Variants in KIRREL3 observed in about 807,000 individuals in gnomAD.
KIRREL3 encodes the protein kirre like nephrin family adhesion molecule 3.
A neutral mutation model predicts 89.7 loss-of-function variants in KIRREL3; 36 were observed. That is an observed-to-expected ratio of 0.40 (90% CI 0.31 to 0.53). The LOEUF (loss-of-function observed/expected upper bound fraction) is 0.53, where lower values mean the gene tolerates loss of function less well. Among genes scored for constraint, KIRREL3 ranks in the 20% least tolerant of loss-of-function variants. KIRREL3 has a pLI of 0.49. For synonymous variants in KIRREL3, 445 were observed against 441.4 expected (o/e 1.01, Z -0.10); for missense variants, 864 against 1,056.6 (o/e 0.82, Z 2.53).
intron 1 of KIRREL3, among the ~76,000 whole-genome samples, chr11:126,968,053 C>T (rs1046083081): frequency 6.6e-6 from 1 of 152,190 alleles, no homozygotes; most frequent in Non-Finnish European, 1.5e-5. Flanking sequence ...ACTTCATAGA[C>T]ATTTGCAAAG....
At chr11:126,731,402 A>G (rs1948612259) in intron 1 of KIRREL3, among the ~76,000 whole-genome samples, 1 of 152,204 alleles carries the variant, frequency 6.6e-6, no homozygotes, top group Non-Finnish European at 1.5e-5. Context: ...TAGTCCTTCA[A>G]GACTCAGCCC....
At chr11:126,803,827 A>G (rs1031346638) in intron 1 of KIRREL3, among the ~76,000 whole-genome samples, 1 of 152,208 alleles carries the variant, frequency 6.6e-6, no homozygotes, top group African/African-American at 2.4e-5. Context: ...ACTCAAGGGT[A>G]AGAGCTCCAT....
intron 1 of KIRREL3, among the ~76,000 whole-genome samples, chr11:126,973,476 TC>T (rs1342835344): frequency 1.3e-5 from 2 of 152,184 alleles, no homozygotes; most frequent in African/African-American, 4.8e-5. Context: ...AAATCATTGT[TC>T]AGAGCTTAGG....
rs373110636 is a variant in KIRREL3, at chr11:126,958,489, C to T, written c.55+41966G>A. On this transcript the variant is annotated intron_variant, in intron 1 of 16. Coordinates refer to ENST00000525144, the MANE Select transcript of KIRREL3 (RefSeq NM_032531.4). ...GAGACTGGCCAGCCTGACATTCAGC[C>T]ACACTCAGCACTTGGGTCAGCCCCA... 5.8e-4 allele frequency among the ~76,000 whole-genome samples: 89 copies of T among 152,348 alleles called. 1 individual carries two copies. The East Asian group carries it at 9.8e-3, about 17-fold the overall frequency.
intron 1 of KIRREL3, among the ~76,000 whole-genome samples, chr11:126,836,588 A>G (rs778306383): frequency 5.3e-5 from 8 of 152,212 alleles, no homozygotes; most frequent in Non-Finnish European, 1.0e-4. Context: ...TATTTACCAA[A>G]TGAAACAATG....
At chr11:126,787,523 G>C (rs1158875809) in intron 1 of KIRREL3, among the ~76,000 whole-genome samples, 1 of 152,032 alleles carries the variant, frequency 6.6e-6, no homozygotes, top group Admixed American at 6.6e-5. Context: ...CAAACTTCTG[G>C]CATCTTCTTT....
Position 126,682,082 on chromosome 11 carries a change from T to C in KIRREL3, c.56-119170A>G, listed in dbSNP as rs1299303422. 2.9e-6 allele frequency: 1 copy of C among 344,002 alleles called. No homozygotes were observed. The highest frequency in any genetic ancestry group is 2.1e-5 in the African/African-American group (1 of 46,566). 21.3% of individuals were successfully genotyped at this position (344,002 alleles called of 1,614,324 possible). A position where few individuals can be genotyped will look rare whatever the true frequency, so the allele number is the denominator to read the frequency against. ...TTGTATTTTATTTGATGCAAAGCAA[T>C]AAAATATTCCTCCCTCCTGTGACCA... On this transcript the variant is annotated intron_variant, in intron 1 of 16. Coordinates refer to ENST00000525144, the MANE Select transcript of KIRREL3 (RefSeq NM_032531.4). The surrounding 1 kb of genome is among the most constrained non-coding windows in gnomAD (Gnocchi z 4.8).
intron 15 of KIRREL3, 46 bp from the exon 16 acceptor site, chr11:126,425,770 C>G (rs1292201194): frequency 6.9e-7 from 1 of 1,439,200 alleles, no homozygotes; most frequent in Non-Finnish European, 9.6e-7. Context: ...GTGGCTAAAC[C>G]TCCACTTCCC....
rs1211972253 is a variant in KIRREL3 at position 126,601,213 on chromosome 11, CAAT to C, written c.56-38304_56-38302del. Among the ~76,000 whole-genome samples, 3 of 152,126 alleles carry C rather than the reference CAAT, an allele frequency of 2.0e-5. No homozygotes were observed. The highest frequency in any genetic ancestry group is 4.4e-5 in the Non-Finnish European group (3 of 68,026). ...TTATGTCTCTTCATGCTCTTGTTGA[CAAT>C]AATAACTGATTGCTGCATCAATGTG... is the stretch of plus-strand genomic sequence containing the variant. On this transcript the variant is annotated intron_variant, in intron 1 of 16. Transcript: ENST00000525144. This position sits in a 1 kb window ranked among gnomAD's most constrained non-coding sequence, Gnocchi z 5.8.
Position 126,668,072 on chromosome 11 carries a change from T to C in KIRREL3, c.56-105160A>G, listed in dbSNP as rs1029348413. 6.6e-6 allele frequency among the ~76,000 whole-genome samples: 1 copy of C among 152,198 alleles called. No individual in the cohort carries two copies. The highest frequency in any genetic ancestry group is 2.1e-4 in the South Asian group (1 of 4,830). On this transcript the variant is annotated intron_variant, in intron 1 of 16. Transcript: ENST00000525144. This position sits in a 1 kb window ranked among gnomAD's most constrained non-coding sequence, Gnocchi z 4.4. ...AGGGGTTGATAGCTGAGCCCCTGTG[T>C]CTTAGTCAGTTTCGGCTATAACAAA...
rs888081191 is a variant in KIRREL3 at position 126,492,224 on chromosome 11, G to T, written c.434-18758C>A. 6.6e-6 allele frequency among the ~76,000 whole-genome samples: 1 copy of T among 152,150 alleles called. No homozygotes were observed. ...AGATGGGCTCAGGCTGCAGCGTGAG[G>T]GAGTGAGGTTAGACATCTGGAAGAA... is the stretch of plus-strand genomic sequence containing the variant. On this transcript the variant is annotated intron_variant, in intron 4 of 16. Transcript: ENST00000525144. The surrounding 1 kb of genome is among the most constrained non-coding windows in gnomAD (Gnocchi z 4.8).
rs1481777741 is a variant in KIRREL3, at chr11:126,917,172, ATAT to A, written c.55+83280_55+83282del. On this transcript the variant is annotated intron_variant, in intron 1 of 16. Coordinates refer to ENST00000525144, the MANE Select transcript of KIRREL3 (RefSeq NM_032531.4). The surrounding 1 kb of genome is among the most constrained non-coding windows in gnomAD (Gnocchi z 5.0). ...AGTATGTTAAAGATTCACCTTGAAA[ATAT>A]TATGCTAAATCAAATGAACCAGACA... Among the ~76,000 whole-genome samples, 3 of 152,244 alleles carry A rather than the reference ATAT, an allele frequency of 2.0e-5. No individual in the cohort carries two copies. The highest frequency in any genetic ancestry group is 7.2e-5 in the African/African-American group (3 of 41,474).
intron 1 of KIRREL3, among the ~76,000 whole-genome samples, chr11:126,926,190 A>C (rs756540969): frequency 1.3e-5 from 2 of 152,224 alleles, no homozygotes; most frequent in Non-Finnish European, 2.9e-5. Flanking sequence ...GGTGGGTGGC[A>C]GACGAAAACT....
At chr11:126,913,064 C>T (rs1331803643) in intron 1 of KIRREL3, among the ~76,000 whole-genome samples, 1 of 152,228 alleles carries the variant, frequency 6.6e-6, no homozygotes, top group Non-Finnish European at 1.5e-5. Context: ...GTTCCTCTGA[C>T]CTTAACTACC....
Position 126,684,114 on chromosome 11 carries a change from C to G in KIRREL3, c.56-121202G>C, listed in dbSNP as rs1946577822. Among the ~76,000 whole-genome samples the G allele has an allele frequency of 6.6e-6, 1 of 152,206 alleles. No individual in the cohort carries two copies. Among genetic ancestry groups the G allele is most frequent in the South Asian group, 2.1e-4 (1 of 4,826 alleles). On this transcript the variant is annotated intron_variant, in intron 1 of 16. Transcript: ENST00000525144. The surrounding 1 kb of genome is among the most constrained non-coding windows in gnomAD (Gnocchi z 4.2). Reference sequence around the variant, plus strand: ...GTGGGATGGCATCTTGGGGGAGCACCTTGGGCAGGGCTGCCCAGAGCCCTG... The same window carrying G: ...GTGGGATGGCATCTTGGGGGAGCACGTTGGGCAGGGCTGCCCAGAGCCCTG...
intron 1 of KIRREL3, among the ~76,000 whole-genome samples, chr11:126,863,423 A>G (rs73030454): frequency 0.32 from 6,637 of 20,504 alleles, 293 homozygotes; most frequent in African/African-American, 0.45. Flanking sequence ...GTGTGAGCGC[A>G]TGTGTGTGAG....
In KIRREL3 at chr11:126,606,624, A is replaced by C. The variant is rs750712966; in HGVS notation, c.56-43712T>G. The stretch of plus-strand genomic sequence containing the variant: ...GGTTGATACCAGGCCGAGACCCTCG[A>C]CATTCCAGGGAGGGAACCGGAGGAC... On this transcript the variant is annotated intron_variant, in intron 1 of 16. Transcript: ENST00000525144. The surrounding 1 kb of genome is among the most constrained non-coding windows in gnomAD (Gnocchi z 4.6). 1.3e-5 allele frequency among the ~76,000 whole-genome samples: 2 copies of C among 152,114 alleles called. No individual in the cohort carries two copies. The highest frequency in any genetic ancestry group is 2.4e-5 in the African/African-American group (1 of 41,404).
chr11:126,602,659 G>A (rs561985996), intron 1 of KIRREL3, among the ~76,000 whole-genome samples: 10 of 152,234 alleles, frequency 6.6e-5, no homozygotes, highest in South Asian at 2.1e-4. Context: ...ATGTGGCCCC[G>A]TGGTTGAAGC....
intron 1 of KIRREL3, among the ~76,000 whole-genome samples, chr11:126,873,981 G>A (rs928268613): frequency 1.3e-4 from 20 of 152,150 alleles, no homozygotes; most frequent in Non-Finnish European, 2.8e-4. Context: ...CCCCAGCCTG[G>A]TGGTTTGCAC....
Sources: allele counts gnomAD v4.1 joint callset (sites outside exome capture counted in the v4.1 genomes callset), GRCh38; gene constraint gnomAD v4.1.1; non-coding constraint Gnocchi (gnomAD v3.1); transcripts MANE v1.5; gene names NCBI Gene and HGNC (gene_info 2026-07-23, HGNC 2026-07-21).